Variants in METTL15 observed in about 807,000 individuals in gnomAD.
The protein encoded by METTL15 is 12S rRNA N(4)-cytidine methyltransferase METTL15.
A neutral mutation model predicts 38.3 loss-of-function variants in METTL15; 34 were observed. That is an observed-to-expected ratio of 0.89 (90% CI 0.68 to 1.18). The LOEUF (loss-of-function observed/expected upper bound fraction) is 1.18. Among genes scored for constraint, METTL15 ranks in the 50% most tolerant of loss-of-function variants. METTL15 has a pLI of 0.00. For missense variants in METTL15, 438 were observed against 498.4 expected (o/e 0.88, Z 1.15); for synonymous variants, 162 against 170.9 (o/e 0.95, Z 0.41).
intron 6 of METTL15, among the ~76,000 whole-genome samples, chr11:28,447,475 G>A (rs1163156639): frequency 1.3e-5 from 2 of 152,106 alleles, no homozygotes; most frequent in Non-Finnish European, 2.9e-5. Flanking sequence ...GGGGAGTCCT[G>A]GTGATAAAGT....
intron 5 of METTL15, chr11:28,410,815 A>C (rs1298035697): frequency 1.3e-5 from 2 of 152,108 alleles, no homozygotes; most frequent in Non-Finnish European, 2.9e-5. Flanking sequence ...GCAAATTGGA[A>C]AAGCAGAAGT....
chr11:28,452,143 A>G (rs7127321), intron 6 of METTL15, among the ~76,000 whole-genome samples: 65,024 of 152,128 alleles, frequency 0.43, 15,187 homozygotes, highest in Admixed American at 0.54. Context: ...CAAAGTCAAG[A>G]GGAGAGAAAG....
intron 6 of METTL15, among the ~76,000 whole-genome samples, chr11:28,327,369 T>A (rs1295736343): frequency 1.3e-5 from 2 of 152,248 alleles, no homozygotes; most frequent in Admixed American, 1.3e-4. Context: ...AGCTCTTATA[T>A]CCATTCTGCA....
At chr11:28,155,205 C>T (rs1205947794) in intron 3 of METTL15, among the ~76,000 whole-genome samples, 1 of 152,026 alleles carries the variant, frequency 6.6e-6, no homozygotes, top group Non-Finnish European at 1.5e-5. Context: ...GTATTAGATC[C>T]AATACATCCC....
At chr11:28,180,810 C>T (rs566588364) in intron 3 of METTL15, among the ~76,000 whole-genome samples, 5 of 151,744 alleles carry the variant, frequency 3.3e-5, no homozygotes, top group Admixed American at 1.3e-4. Context: ...TTTAGGTTTT[C>T]GACTGGTAGA....
intron 5 of METTL15, among the ~76,000 whole-genome samples, chr11:28,390,004 G>A (rs950647930): frequency 2.6e-5 from 4 of 151,882 alleles, no homozygotes; most frequent in East Asian, 3.9e-4. Context: ...ATTTTTTCAT[G>A]TGTCTTTTGG....
At chr11:28,345,689 G>T (rs893064871) in intron 3 of METTL15, among the ~76,000 whole-genome samples, 2 of 152,234 alleles carry the variant, frequency 1.3e-5, no homozygotes, top group Admixed American at 1.3e-4. Context: ...AGGACCAGTG[G>T]ATTTGGTGCG....
chr11:28,486,881 C>T (rs185707470), intron 6 of METTL15, among the ~76,000 whole-genome samples: 1 of 152,092 alleles, frequency 6.6e-6, no homozygotes, highest in Admixed American at 6.6e-5. Flanking sequence ...AAAGAAAGCA[C>T]CAGGTGAGGT....
At chr11:28,319,181 A>C (rs985616363) in intron 6 of METTL15, among the ~76,000 whole-genome samples, 2 of 152,166 alleles carry the variant, frequency 1.3e-5, no homozygotes, top group Non-Finnish European at 2.9e-5. Flanking sequence ...GTAAAAGCCT[A>C]TTCAGGTTTA....
chr11:28,317,529 G>A (rs1036142108), intron 6 of METTL15, among the ~76,000 whole-genome samples: 19 of 152,212 alleles, frequency 1.2e-4, no homozygotes, highest in South Asian at 8.3e-4. Flanking sequence ...GCCACAGCAC[G>A]ATGCTAATTT....
chr11:28,113,610 T>A lies in METTL15; in HGVS notation c.270+6T>A. The A allele has an allele frequency of 6.3e-7, 1 of 1,596,782 alleles. No homozygotes were observed. Among genetic ancestry groups the A allele is most frequent in the Non-Finnish European group, 8.5e-7 (1 of 1,172,756 alleles). On this transcript the variant is annotated splice_donor_region_variant and intron_variant, in intron 3 of 6. Coordinates refer to ENST00000407364, the MANE Select transcript of METTL15 (RefSeq NM_001113528.2). ...TGTCACCACAAAAAGGACAGGTGAG[T>A]TGAATTTTTATTTTTTAGCAAGTTT... is the stretch of plus-strand genomic sequence containing the variant.
At chr11:28,272,651 G>A (rs1302277524) in intron 4 of METTL15, among the ~76,000 whole-genome samples, 1 of 152,104 alleles carries the variant, frequency 6.6e-6, no homozygotes, top group East Asian at 1.9e-4. Flanking sequence ...AAACCACCAT[G>A]GCACGTGTAT....
intron 3 of METTL15, among the ~76,000 whole-genome samples, chr11:28,130,648 C>T (rs1852726288): frequency 6.6e-6 from 1 of 152,072 alleles, no homozygotes; most frequent in South Asian, 2.1e-4. Context: ...TACATATTGT[C>T]AAAGTATGAG....
chr11:28,377,238 A>G (rs1319651435), intron 5 of METTL15, among the ~76,000 whole-genome samples: 1 of 149,858 alleles, frequency 6.7e-6, no homozygotes, highest in Non-Finnish European at 1.5e-5. Flanking sequence ...TCTCCTGGAT[A>G]ATATCCTGCA....
chr11:28,141,628 CAGTGA>C (rs1849701523), intron 3 of METTL15, among the ~76,000 whole-genome samples: 2 of 152,180 alleles, frequency 1.3e-5, no homozygotes, highest in African/African-American at 4.8e-5. Flanking sequence ...GTCAAGGCTG[CAGTGA>C]ACTGAGATCC....
At chr11:28,288,826 TAAATA>T (rs1856395573) in intron 4 of METTL15, among the ~76,000 whole-genome samples, 1 of 151,930 alleles carries the variant, frequency 6.6e-6, no homozygotes, top group Non-Finnish European at 1.5e-5. Context: ...TTAAATAAAA[TAAATA>T]AAATAAAACA....
chr11:28,507,963 C>T (rs890521309), intron 6 of METTL15, among the ~76,000 whole-genome samples: 42 of 152,266 alleles, frequency 2.8e-4, no homozygotes, highest in Admixed American at 2.7e-3. Context: ...ATCTCAAAAC[C>T]TCCCAGTGGT....
intron 6 of METTL15, among the ~76,000 whole-genome samples, chr11:28,478,817 A>T (rs577675142): frequency 1.3e-5 from 2 of 152,192 alleles, no homozygotes; most frequent in African/African-American, 4.8e-5. Context: ...CCAAGGGGCC[A>T]TAAGTGACTT....
chr11:28,197,059 T>C (rs1158373597), intron 3 of METTL15, among the ~76,000 whole-genome samples: 1 of 151,992 alleles, frequency 6.6e-6, no homozygotes, highest in East Asian at 1.9e-4. Context: ...AAATCATCTG[T>C]TAAGCTGTTT....
Sources: allele counts gnomAD v4.1 joint callset (sites outside exome capture counted in the v4.1 genomes callset), GRCh38; gene constraint gnomAD v4.1.1; transcripts MANE v1.5; gene names NCBI Gene and HGNC (gene_info 2026-07-23, HGNC 2026-07-21).